The following TMEM245 variants were observed in gnomAD, a reference collection of about 807,000 sequenced individuals.
The protein encoded by TMEM245 is transmembrane protein 245, also known as protein CG-2.
A neutral mutation model predicts 101.2 loss-of-function variants in TMEM245; 69 were observed. The ratio of observed to expected loss-of-function variants is 0.68; its 90% CI spans 0.56 to 0.83. TMEM245 has a LOEUF of 0.83. Ranked by LOEUF, TMEM245 falls within the 40% of genes least tolerant of loss-of-function variation. TMEM245 has a pLI of 0.00. For missense variants in TMEM245, 1,075 were observed against 1,092.8 expected, an observed-to-expected ratio of 0.98 and a Z score of 0.23; for synonymous variants, 537 against 449.8, an observed-to-expected ratio of 1.19 and a Z score of -2.45.
In TMEM245 at chr9:109,106,601, C is replaced by A. The variant is rs1830431037; in HGVS notation, c.706G>T (p.Ala236Ser). 6.2e-7 allele frequency: 1 copy of A among 1,608,838 alleles called. No individual in the cohort carries two copies. The highest frequency in any genetic ancestry group is 1.7e-5 in the Admixed American group (1 of 59,458). The change falls in exon 3 of 18, where the codon GCT becomes TCT. Residue 236 changes from alanine (A) to serine (S), a missense_variant. By Grantham distance (99) the Ala-to-Ser change is moderately conservative. Coordinates refer to ENST00000374586, the MANE Select transcript of TMEM245 (RefSeq NM_032012.4). ...IILLFHLASL[A>S]GSWRIPVFLV... ...AATACTGGAATTCTCCATGAGCCAGCCAGGGATGCTGCAAATTATTAAGAA... is the reference window on the plus strand; with the variant it reads ...AATACTGGAATTCTCCATGAGCCAGACAGGGATGCTGCAAATTATTAAGAA...
rs1827537053 is a variant in TMEM245 at position 109,018,958 on chromosome 9, T to A, written c.*1502A>T. On this transcript the variant is annotated 3_prime_UTR_variant, in exon 18 of 18. Coordinates refer to ENST00000374586, the MANE Select transcript of TMEM245 (RefSeq NM_032012.4). ...TGGGGTTTTGCCATGTTGCCTAGGC[T>A]GATCTCAAATCCCTGGGCTCAAGCA... 1 of 138,266 alleles carries A rather than the reference T, an allele frequency of 7.2e-6. No individual in the cohort carries two copies. Among genetic ancestry groups the A allele is most frequent in the East Asian group, 2.2e-4 (1 of 4,560 alleles). 8.6% of individuals were successfully genotyped at this position (138,266 alleles called of 1,614,324 possible). A position where few individuals can be genotyped will look rare whatever the true frequency, so the allele number is the denominator to read the frequency against.
chr9:109,032,373 T>G (rs1172328267), intron 17 of TMEM245, among the ~76,000 whole-genome samples: 1 of 37,942 alleles, frequency 2.6e-5, no homozygotes, highest in African/African-American at 9.4e-5. Flanking sequence ...TCCTTTTTTT[T>G]TTTTTTTTTT....
intron 16 of TMEM245, among the ~76,000 whole-genome samples, chr9:109,034,610 C>T (rs10816768): frequency 0.053 from 8,061 of 152,154 alleles, 334 homozygotes; most frequent in Admixed American, 0.12. Context: ...CCACACCAAA[C>T]TAATCTTTAT....
At chr9:109,074,906 T>C (rs2132496748) in intron 8 of TMEM245, among the ~76,000 whole-genome samples, 1 of 152,220 alleles carries the variant, frequency 6.6e-6, no homozygotes, top group Admixed American at 6.5e-5. Flanking sequence ...GATAATCAAC[T>C]CAGGTGCAAT....
chr9:109,112,242 T>C (rs1226659364), intron 1 of TMEM245, among the ~76,000 whole-genome samples: 1 of 152,012 alleles, frequency 6.6e-6, no homozygotes, highest in Non-Finnish European at 1.5e-5. Context: ...ACTGTAGCAG[T>C]ATTAAAAAGA....
rs1406453459 is a variant in TMEM245, at chr9:109,038,077, C to A, written c.2164G>T (p.Gly722Ter). 8.7e-6 allele frequency: 14 copies of A among 1,613,172 alleles called. No individual in the cohort carries two copies. The highest frequency in any genetic ancestry group is 1.3e-5 in the African/African-American group (1 of 74,846). Residue 722 changes from glycine (G) to a stop codon, truncating the protein, a stop_gained, in exon 15 of 18, where the codon GGA becomes TGA. Transcript: ENST00000374586. LOFTEE classifies it high-confidence loss of function. ...DASLKMAGFY[G>*]LYTWLTHTMF... ...GTATGAGTCAGCCAGGTATACAATC[C>A]ATAGAAGCCAGCCATTTTGAGGGAA... is the stretch of plus-strand genomic sequence containing the variant.
At chr9:109,109,107 A>T (rs1047428148) in intron 1 of TMEM245, among the ~76,000 whole-genome samples, 1 of 152,208 alleles carries the variant, frequency 6.6e-6, no homozygotes, top group Non-Finnish European at 1.5e-5. Flanking sequence ...TAATCTAGGC[A>T]ACAAATGATT....
intron 8 of TMEM245, 128 bp from the exon 9 acceptor site, chr9:109,073,566 A>G (rs1829398498): frequency 3.0e-6 from 2 of 658,942 alleles, no homozygotes; most frequent in Non-Finnish European, 5.1e-6. Context: ...GCTTTAATTA[A>G]TTTAGAAACA....
At position 109,119,736 on chromosome 9, in the gene TMEM245, C is replaced by A; in HGVS notation, c.178G>T (p.Val60Leu). The A allele has an allele frequency of 6.5e-7, 1 of 1,539,592 alleles. No individual in the cohort carries two copies. Among genetic ancestry groups the A allele is most frequent in the Non-Finnish European group, 8.7e-7 (1 of 1,148,512 alleles). The change falls in exon 1 of 18, where the codon GTG (valine) becomes TTG (leucine). Residue 60 changes from valine (V) to leucine (L), a missense_variant. Physicochemically the swap from Val to Leu is conservative, Grantham distance 32 (BLOSUM62 1). Around this residue, in one of 2 missense-constraint regions of TMEM245, gnomAD observed 808 missense variants for 741.5 expected, o/e 1.09. Transcript: ENST00000374586. ...CCGCAGCACAGGCACACGAACAGCA[C>A]GGCCCCGGTGTTGTAGAAGGCCTGC... ...IKQAFYNTGA[V>L]LFVCLCCGAA...
At chr9:109,052,063 AAATATT>A (rs1328601029) in intron 12 of TMEM245, among the ~76,000 whole-genome samples, 1 of 152,210 alleles carries the variant, frequency 6.6e-6, no homozygotes, top group African/African-American at 2.4e-5. Flanking sequence ...CATAGATGTT[AAATATT>A]AATAAAGGAG....
intron 5 of TMEM245, among the ~76,000 whole-genome samples, chr9:109,090,392 G>A (rs993326063): frequency 1.3e-5 from 2 of 152,164 alleles, no homozygotes; most frequent in African/African-American, 2.4e-5. Context: ...AATACTACAT[G>A]AAATTGTAAG....
intron 17 of TMEM245, among the ~76,000 whole-genome samples, chr9:109,025,679 A>G (rs557493351): frequency 8.5e-5 from 13 of 152,346 alleles, no homozygotes; most frequent in African/African-American, 2.4e-4. Flanking sequence ...GAAGTCTATC[A>G]AAGCAAGTCT....
chr9:109,068,569 G>T (rs1206032113), intron 9 of TMEM245, among the ~76,000 whole-genome samples: 1 of 149,050 alleles, frequency 6.7e-6, no homozygotes, highest in African/African-American at 2.5e-5. Flanking sequence ...AACCCAGGAG[G>T]TGAAGGTTGC....
chr9:109,086,973 A>C (rs1829857168), intron 6 of TMEM245, among the ~76,000 whole-genome samples, 200 bp downstream of exon 6: 7 of 152,358 alleles, frequency 4.6e-5, no homozygotes, highest in Middle Eastern at 3.4e-3. Context: ...ATGAGGAAAA[A>C]ATACTTACAC....
chr9:109,074,512 G>A (rs951494059), intron 8 of TMEM245, among the ~76,000 whole-genome samples: 1 of 152,236 alleles, frequency 6.6e-6, no homozygotes, highest in African/African-American at 2.4e-5. Context: ...TGATGACAGA[G>A]GGAAAGAAAG....
At chr9:109,114,514 A>G (rs1257475133) in intron 1 of TMEM245, among the ~76,000 whole-genome samples, 1 of 152,220 alleles carries the variant, frequency 6.6e-6, no homozygotes, top group Non-Finnish European at 1.5e-5. Flanking sequence ...GGTCTGCCCA[A>G]GGTCACAAAG....
At chr9:109,085,248 A>T (rs953020124) in intron 7 of TMEM245, among the ~76,000 whole-genome samples, 3 of 152,246 alleles carry the variant, frequency 2.0e-5, no homozygotes, top group Non-Finnish European at 4.4e-5. Context: ...TAGGACTACA[A>T]GTGTGTGCCA....
intron 5 of TMEM245, among the ~76,000 whole-genome samples, chr9:109,089,502 T>C (rs1588066268): frequency 6.6e-6 from 1 of 152,126 alleles, no homozygotes; most frequent in African/African-American, 2.4e-5. Context: ...GTGAAAAACC[T>C]TGACATAGGA....
rs1480170957 is a variant in TMEM245, at chr9:109,073,444, TTACAGA to T, written c.1450-12_1450-7del. The stretch of plus-strand genomic sequence containing the variant: ...TGTACACTCTCTTGATGTACCTGTA[TTACAGA>T]TAAAGAAAGAAAAGAATCTCAGTAA... On this transcript the variant is annotated splice_polypyrimidine_tract_variant and splice_region_variant and intron_variant, in intron 8 of 17. Transcript: ENST00000374586. 8 of 1,585,436 alleles carry T rather than the reference TTACAGA, an allele frequency of 5.0e-6. No homozygotes were observed. In the South Asian group the frequency reaches 7.9e-5, roughly 16 times the overall value.
Sources: allele counts gnomAD v4.1 joint callset (sites outside exome capture counted in the v4.1 genomes callset), GRCh38; gene constraint gnomAD v4.1.1; regional missense constraint gnomAD v4.1.1; transcripts MANE v1.5; gene names NCBI Gene and HGNC (gene_info 2026-07-23, HGNC 2026-07-21).